The following NDST4 variants were observed in gnomAD, a reference collection of about 807,000 sequenced individuals.
NDST4 encodes the protein N-heparan sulfate sulfotransferase 4.
Under a neutral mutation model 100.8 loss-of-function variants are expected in NDST4, and 63 were observed. The ratio of observed to expected loss-of-function variants is 0.62; its 90% CI spans 0.51 to 0.77. The LOEUF (loss-of-function observed/expected upper bound fraction) is 0.77. Ranked by LOEUF, NDST4 falls within the 30% of genes least tolerant of loss-of-function variation. The probability of loss-of-function intolerance (pLI) is 0.00; values close to 1 mark genes in which losing one functional copy is unlikely to be tolerated. For synonymous variants in NDST4, 377 were observed against 361.8 expected (o/e 1.04, Z -0.48); for missense variants, 943 against 1,018.4 (o/e 0.93, Z 1.01).
chr4:115,041,012 C>T (rs958691450), intron 2 of NDST4, among the ~76,000 whole-genome samples: 2 of 151,906 alleles, frequency 1.3e-5, no homozygotes, highest in Non-Finnish European at 2.9e-5. Context: ...TGAACTCTAC[C>T]TCTGAGTAAC....
chr4:114,928,811 CTG>C (rs1725435120), intron 6 of NDST4, among the ~76,000 whole-genome samples: 1 of 152,036 alleles, frequency 6.6e-6, no homozygotes, highest in South Asian at 2.1e-4. Context: ...CTTTGGGACA[CTG>C]TTTTTTCTTC....
intron 1 of NDST4, among the ~76,000 whole-genome samples, chr4:115,086,328 G>A (rs1729409584): frequency 6.6e-6 from 1 of 152,026 alleles, no homozygotes; most frequent in Admixed American, 6.6e-5. Flanking sequence ...ACAAAGTAAT[G>A]AGTAATTGTT....
intron 4 of NDST4, among the ~76,000 whole-genome samples, chr4:114,959,690 G>T (rs1165546887): frequency 6.6e-6 from 1 of 151,912 alleles, no homozygotes; most frequent in Non-Finnish European, 1.5e-5. Flanking sequence ...GCTAACAGAA[G>T]AAAAATTTAG....
At chr4:114,946,283 A>G (rs1725861046) in intron 4 of NDST4, among the ~76,000 whole-genome samples, 1 of 148,758 alleles carries the variant, frequency 6.7e-6, no homozygotes, top group South Asian at 2.3e-4. Flanking sequence ...TACAGCAGTG[A>G]AGAAAACAGA....
intron 3 of NDST4, among the ~76,000 whole-genome samples, chr4:114,974,042 A>G (rs2126242467): frequency 6.6e-6 from 1 of 152,094 alleles, no homozygotes; most frequent in South Asian, 2.1e-4. Flanking sequence ...TGAATCTTAT[A>G]TGAAAATAAT....
intron 2 of NDST4, among the ~76,000 whole-genome samples, chr4:115,014,377 G>A (rs187571131): frequency 2.8e-4 from 43 of 152,102 alleles, no homozygotes; most frequent in East Asian, 1.4e-3. Flanking sequence ...AAGATGGTAC[G>A]GAGTAAATCC....
At chr4:114,872,822 T>G (rs1280895195) in intron 6 of NDST4, among the ~76,000 whole-genome samples, 1 of 151,960 alleles carries the variant, frequency 6.6e-6, no homozygotes, top group African/African-American at 2.4e-5. Context: ...AGCAGGACTT[T>G]AAAACCAGGC....
intron 6 of NDST4, among the ~76,000 whole-genome samples, chr4:114,884,261 G>A (rs1724431835): frequency 6.6e-6 from 1 of 151,998 alleles, no homozygotes; most frequent in African/African-American, 2.4e-5. Flanking sequence ...ACATGCATGT[G>A]TGCTCACATA....
At chr4:115,102,017 C>A (rs1255631647) in intron 1 of NDST4, among the ~76,000 whole-genome samples, 1 of 152,092 alleles carries the variant, frequency 6.6e-6, no homozygotes, top group Non-Finnish European at 1.5e-5. Context: ...AGGGGAGTGA[C>A]ATGATCAACT....
chr4:115,044,019 A>G (rs1728408532), intron 2 of NDST4, among the ~76,000 whole-genome samples: 1 of 152,126 alleles, frequency 6.6e-6, no homozygotes, highest in African/African-American at 2.4e-5. Context: ...ATTTTAACAA[A>G]TTCAAAAGAT....
chr4:114,994,260 A>G (rs1727111915), intron 2 of NDST4, among the ~76,000 whole-genome samples: 2 of 152,002 alleles, frequency 1.3e-5, no homozygotes, highest in Admixed American at 1.3e-4. Flanking sequence ...TATGTTCCAT[A>G]TGACTTAACA....
At chr4:115,058,540 C>A (rs1178318891) in intron 2 of NDST4, among the ~76,000 whole-genome samples, 1 of 152,096 alleles carries the variant, frequency 6.6e-6, no homozygotes, top group Non-Finnish European at 1.5e-5. Context: ...TGTTTCCTGA[C>A]AAATGTTACT....
At chr4:115,014,292 A>T (rs774322958) in intron 2 of NDST4, among the ~76,000 whole-genome samples, 5 of 152,022 alleles carry the variant, frequency 3.3e-5, no homozygotes, top group Non-Finnish European at 7.4e-5. Flanking sequence ...TCTATAACTT[A>T]CCACATTAGT....
chr4:115,079,177 C>G (rs927145279), intron 1 of NDST4, among the ~76,000 whole-genome samples: 1 of 151,866 alleles, frequency 6.6e-6, no homozygotes, highest in Non-Finnish European at 1.5e-5. Context: ...TGGTGAAACC[C>G]CGTCTCTACT....
chr4:115,085,934 T>C (rs1415424165), intron 1 of NDST4, among the ~76,000 whole-genome samples: 2 of 152,202 alleles, frequency 1.3e-5, no homozygotes, highest in Non-Finnish European at 2.9e-5. Flanking sequence ...TAGTGCTTTA[T>C]GAAACTTTAT....
intron 1 of NDST4, among the ~76,000 whole-genome samples, chr4:115,107,103 T>C (rs1342202757): frequency 1.3e-5 from 2 of 152,036 alleles, no homozygotes; most frequent in Admixed American, 1.3e-4. Context: ...GGTTGTAGTA[T>C]GCTATGATTG....
intron 2 of NDST4, among the ~76,000 whole-genome samples, chr4:115,010,549 G>T (rs1262513909): frequency 7.8e-6 from 1 of 128,216 alleles, no homozygotes; most frequent in African/African-American, 3.0e-5. Flanking sequence ...GGTTGGGGGA[G>T]GGGGTAGGGA....
chr4:114,828,784 A>T (rs1191735090), intron 13 of NDST4, among the ~76,000 whole-genome samples: 1 of 152,138 alleles, frequency 6.6e-6, no homozygotes, highest in East Asian at 1.9e-4. Context: ...TTGGTCCAAG[A>T]TCCACCATCT....
intron 12 of NDST4, among the ~76,000 whole-genome samples, chr4:114,832,642 C>T (rs550346601): frequency 4.4e-4 from 67 of 152,264 alleles, no homozygotes; most frequent in Non-Finnish European, 8.4e-4. Context: ...CCCACCCCAC[C>T]AAGAGGTGCA....
Sources: gnomAD v4.1 joint callset for allele counts (sites outside exome capture counted in the v4.1 genomes callset) on GRCh38, gnomAD v4.1.1 for gene constraint, MANE v1.5 for transcripts, NCBI Gene and HGNC (gene_info 2026-07-23, HGNC 2026-07-21) for gene names.